Variants in ASIC5 observed in about 807,000 individuals in gnomAD.
ASIC5 encodes the protein bile acid-sensitive ion channel.
ASIC5 carries 52 observed loss-of-function variants against 51.2 expected under a neutral mutation model. That is an observed-to-expected ratio of 1.02 (90% CI 0.81 to 1.28). The LOEUF is 1.28. ASIC5 is among the 50% of genes most tolerant of loss of function. The pLI, the probability that ASIC5 is intolerant of heterozygous loss-of-function variation, is 0.00. For synonymous variants in ASIC5, 231 were observed against 200.7 expected, an observed-to-expected ratio of 1.15 and a Z score of -1.28; for missense variants, 635 against 595.0, an observed-to-expected ratio of 1.07 and a Z score of -0.70.
At position 155,836,784 on chromosome 4, in the gene ASIC5, T is replaced by C. The variant is rs1579283855; in HGVS notation, c.1140A>G (p.Ile380Met). ...AATAAGAAATAGTGGCCGGGTATTC[T>C]ATTTCTTCACAAGAAACGGGGCAGC... ...NSSCPVSCEE[I>M]EYPATISYSS... The change falls in exon 8 of 10, where the codon ATA (isoleucine) becomes ATG (methionine). Residue 380 changes from isoleucine to methionine, a missense_variant. By Grantham distance (10) the Ile-to-Met change is conservative (BLOSUM62 1). Coordinates refer to ENST00000537611, the MANE Select transcript of ASIC5 (RefSeq NM_017419.3). The C allele has an allele frequency of 6.2e-7, 1 of 1,607,028 alleles. No individual in the cohort carries two copies. The highest frequency in any genetic ancestry group is 1.7e-5 in the Admixed American group (1 of 59,988).
At chr4:155,856,278 C>G (rs2110746468) in intron 2 of ASIC5, among the ~76,000 whole-genome samples, 1 of 152,160 alleles carries the variant, frequency 6.6e-6, no homozygotes, top group Non-Finnish European at 1.5e-5. Flanking sequence ...TTCAGCCTAT[C>G]TTTAGGGGGC....
intron 9 of ASIC5, among the ~76,000 whole-genome samples, 155 bp from the exon 10 acceptor site, chr4:155,830,201 A>T (rs1253805827): frequency 6.6e-6 from 1 of 152,232 alleles, no homozygotes; most frequent in East Asian, 1.9e-4. Flanking sequence ...AGGTAATAGC[A>T]ATTGGTAATA....
chr4:155,838,923 A>G (rs896909838), intron 6 of ASIC5, 54 bp from the exon 7 acceptor site: 13 of 983,046 alleles, frequency 1.3e-5, no homozygotes, highest in Non-Finnish European at 2.0e-5. Flanking sequence ...AAAATAAGTG[A>G]TCTAATGACA....
chr4:155,865,078 A>T (rs1048128624), intron 1 of ASIC5: 8 of 152,062 alleles, frequency 5.3e-5, no homozygotes, highest in African/African-American at 1.9e-4. Context: ...GTTATAGGAC[A>T]TATGCTATAA....
rs139024728 is a variant in ASIC5, at chr4:155,863,557, T to A, written c.238A>T (p.Ile80Phe). ...LGSVSLVTWQ[I>F]YIRLLNYFTW... Reference sequence around the variant, plus strand: ...AAGTAGTTGAGCAAGCGAATGTAGATCTGCCATGTCACAAGTGAGACTGAG... The same window carrying A: ...AAGTAGTTGAGCAAGCGAATGTAGAACTGCCATGTCACAAGTGAGACTGAG... The change falls in exon 2 of 10, where the codon ATC becomes TTC. Residue 80 changes from isoleucine to phenylalanine, a missense_variant. By Grantham distance (21) the Ile-to-Phe change is conservative. Coordinates refer to ENST00000537611, the MANE Select transcript of ASIC5 (RefSeq NM_017419.3). 227 of 1,613,826 alleles carry A rather than the reference T, an allele frequency of 1.4e-4. No individual in the cohort carries two copies. The highest frequency in any genetic ancestry group is 1.9e-4 in the Non-Finnish European group (223 of 1,179,902).
chr4:155,834,008 A>G (rs187923616), intron 8 of ASIC5, among the ~76,000 whole-genome samples: 4 of 152,364 alleles, frequency 2.6e-5, no homozygotes, highest in African/African-American at 9.6e-5. Flanking sequence ...GGAGTGCTGC[A>G]TTAGGGGAAT....
chr4:155,851,880 C>A (rs993093435), intron 4 of ASIC5, among the ~76,000 whole-genome samples: 1 of 151,924 alleles, frequency 6.6e-6, no homozygotes, highest in Non-Finnish European at 1.5e-5. Flanking sequence ...GCAAAGAGTT[C>A]TCTTAAAATA....
chr4:155,846,620 T>C (rs1422993227), intron 4 of ASIC5, among the ~76,000 whole-genome samples: 3 of 152,118 alleles, frequency 2.0e-5, no homozygotes, highest in African/African-American at 7.2e-5. Flanking sequence ...GTCGTATCTT[T>C]TTCACTGCCT....
intron 7 of ASIC5, among the ~76,000 whole-genome samples, chr4:155,837,436 T>C (rs1456405417): frequency 2.0e-5 from 3 of 152,124 alleles, no homozygotes; most frequent in Non-Finnish European, 4.4e-5. Context: ...TCCATGCAAA[T>C]GCATACTAGA....
intron 8 of ASIC5, among the ~76,000 whole-genome samples, chr4:155,835,128 C>T (rs537059120): frequency 3.1e-4 from 47 of 152,256 alleles, no homozygotes; most frequent in African/African-American, 1.1e-3. Flanking sequence ...GCCCTCTGCC[C>T]TTGCGATAAG....
chr4:155,843,575 A>G (rs1290487977), intron 5 of ASIC5, 106 bp downstream of exon 5: 8 of 1,263,834 alleles, frequency 6.3e-6, no homozygotes, highest in Non-Finnish European at 8.8e-6. Context: ...GGAATTTCTA[A>G]TGGTGTTTTA....
intron 7 of ASIC5, among the ~76,000 whole-genome samples, chr4:155,837,670 AG>A (rs1741017074): frequency 2.0e-5 from 3 of 152,076 alleles, no homozygotes; most frequent in Non-Finnish European, 2.9e-5. Flanking sequence ...TGACTTCTCT[AG>A]GAGAAGTCAA....
chr4:155,829,804 A>C lies in ASIC5; in HGVS notation c.*52T>G. 1 of 1,190,262 alleles carries C rather than the reference A, an allele frequency of 8.4e-7. No homozygotes were observed. Among genetic ancestry groups the C allele is most frequent in the Non-Finnish European group, 1.2e-6 (1 of 863,102 alleles). 73.7% of individuals were successfully genotyped at this position (1,190,262 alleles called of 1,614,324 possible). A position where few individuals can be genotyped will look rare whatever the true frequency, so the allele number is the denominator to read the frequency against. ...AAGTGACGTAACAATGAATTAGTCA[A>C]GATAAATCTGAAGGTATCATGAAAA... On this transcript the variant is annotated 3_prime_UTR_variant, in exon 10 of 10. Coordinates refer to ENST00000537611, the MANE Select transcript of ASIC5 (RefSeq NM_017419.3).
chr4:155,847,163 C>T (rs1258152895), intron 4 of ASIC5, among the ~76,000 whole-genome samples: 2 of 151,830 alleles, frequency 1.3e-5, no homozygotes, highest in Non-Finnish European at 2.9e-5. Flanking sequence ...TTTAAAAAAC[C>T]AAAAACTTTA....
chr4:155,848,167 A>T (rs67803018), intron 4 of ASIC5, among the ~76,000 whole-genome samples: 10,755 of 151,298 alleles, frequency 0.071, 476 homozygotes, highest in South Asian at 0.13. Flanking sequence ...TTCTTTTTTT[A>T]AAAAAAAATC....
At chr4:155,862,231 TC>T (rs1741726593) in intron 2 of ASIC5, among the ~76,000 whole-genome samples, 1 of 152,030 alleles carries the variant, frequency 6.6e-6, no homozygotes, top group South Asian at 2.1e-4. Flanking sequence ...TTGATTTGTT[TC>T]GACTGTTAGG....
intron 8 of ASIC5, among the ~76,000 whole-genome samples, chr4:155,833,421 A>G (rs1238313974): frequency 6.6e-6 from 1 of 152,220 alleles, no homozygotes; most frequent in African/African-American, 2.4e-5. Context: ...CAATTTTTGA[A>G]ATCAATAATT....
intron 8 of ASIC5, among the ~76,000 whole-genome samples, chr4:155,835,255 G>A (rs1442762927): frequency 1.3e-5 from 2 of 152,068 alleles, no homozygotes; most frequent in Admixed American, 6.5e-5. Context: ...TGGGGTAGGA[G>A]CCCAAAGCGC....
rs771249050 is a variant in ASIC5, at chr4:155,831,934, G to A, written c.1236-19C>T. On this transcript the variant is annotated intron_variant, in intron 8 of 9. Coordinates refer to ENST00000537611, the MANE Select transcript of ASIC5 (RefSeq NM_017419.3). Reference sequence around the variant, plus strand: ...ATTCTCCCTAGGGATAAAAAAGAGAGTTAATATAGCTTAAGATTGTCAGCA... The same window carrying A: ...ATTCTCCCTAGGGATAAAAAAGAGAATTAATATAGCTTAAGATTGTCAGCA... 6.2e-6 allele frequency: 8 copies of A among 1,280,500 alleles called. No homozygotes were observed. The highest frequency in any genetic ancestry group is 9.0e-6 in the Non-Finnish European group (8 of 888,912). 79.3% of individuals were successfully genotyped at this position (1,280,500 alleles called of 1,614,324 possible). A position where few individuals can be genotyped will look rare whatever the true frequency, so the allele number is the denominator to read the frequency against.
Sources: gnomAD v4.1 joint callset for allele counts (sites outside exome capture counted in the v4.1 genomes callset) on GRCh38, gnomAD v4.1.1 for gene constraint, MANE v1.5 for transcripts, NCBI Gene and HGNC (gene_info 2026-07-23, HGNC 2026-07-21) for gene names.